Variants in UBR3 observed in about 807,000 individuals in gnomAD.
UBR3 encodes ubiquitin protein ligase E3 component n-recognin 3.
In UBR3, 85 loss-of-function variants were observed where a neutral mutation model predicts 243.2. The observed-to-expected ratio is 0.35, with a 90% CI of 0.29 to 0.42. The LOEUF (loss-of-function observed/expected upper bound fraction) is 0.42, where lower values mean the gene tolerates loss of function less well. UBR3 is among the 10% of genes least tolerant of loss of function. The pLI is 1.00. For missense variants in UBR3, 1,686 were observed against 2,300.8 expected, an observed-to-expected ratio of 0.73 and a Z score of 5.47; for synonymous variants, 748 against 799.8, an observed-to-expected ratio of 0.94 and a Z score of 1.09.
At chr2:170,052,788 T>C (rs1174017951) in intron 32 of UBR3, among the ~76,000 whole-genome samples, 1 of 152,194 alleles carries the variant, frequency 6.6e-6, no homozygotes, top group Non-Finnish European at 1.5e-5. Context: ...ATAGCTGTAA[T>C]ATTCTCTTGT....
intron 24 of UBR3, among the ~76,000 whole-genome samples, chr2:169,969,548 C>CTTT (rs199918460): frequency 2.8e-4 from 38 of 134,184 alleles, no homozygotes; most frequent in African/African-American, 8.1e-4. Context: ...CCATTTGTGT[C>CTTT]TTTTTTTTTT....
chr2:169,897,042 T>G (rs2084617511), intron 8 of UBR3, among the ~76,000 whole-genome samples: 1 of 152,148 alleles, frequency 6.6e-6, no homozygotes. Context: ...ATATTTCTTT[T>G]CTTTTTGTGT....
chr2:169,881,336 C>T (rs570384073), intron 5 of UBR3, among the ~76,000 whole-genome samples: 3 of 151,986 alleles, frequency 2.0e-5, no homozygotes, highest in South Asian at 2.1e-4. Flanking sequence ...TGCACTACCA[C>T]GCCTGGCTAG....
chr2:169,847,946 G>T (rs185002679), intron 1 of UBR3, among the ~76,000 whole-genome samples: 1 of 150,324 alleles, frequency 6.7e-6, no homozygotes, highest in South Asian at 2.1e-4. Context: ...TTATTTCTCT[G>T]TGGAATTCTT....
chr2:169,845,494 CG>C (rs2082436156), intron 1 of UBR3, among the ~76,000 whole-genome samples: 16 of 31,586 alleles, frequency 5.1e-4, no homozygotes, highest in Admixed American at 1.3e-3. Context: ...TTTCCCTCTT[CG>C]TCGTCATCGT....
Position 170,007,103 on chromosome 2 carries a change from T to C in UBR3, c.4143T>C (p.Asn1381=). The change falls in exon 28 of 39, where the codon AAT becomes AAC. Residue 1381 remains asparagine, a synonymous_variant. Coordinates refer to ENST00000272793, the MANE Select transcript of UBR3 (RefSeq NM_172070.4). ...GTTATCCTGGAAGCAATGTGGAAAA[T>C]AACCCTTGGCAACGTCCTAGCAACA... ...LPCYPGSNVE[N]NPWQRPSNKS... is the part of the protein sequence containing the mutation. 6.2e-7 allele frequency: 1 copy of C among 1,613,778 alleles called. No homozygotes were observed. Among genetic ancestry groups the C allele is most frequent in the Non-Finnish European group, 8.5e-7 (1 of 1,179,948 alleles).
Position 170,068,547 on chromosome 2 carries a change from G to A in UBR3, c.5020-4881G>A, listed in dbSNP as rs979034634. ...ATCATTATCTAAGTTTCTACCATAT[G>A]AAGCTAGAAATAGAGCAAATTAGAC... On this transcript the variant is annotated intron_variant, in intron 35 of 38. Coordinates refer to ENST00000272793, the MANE Select transcript of UBR3 (RefSeq NM_172070.4). Among the ~76,000 whole-genome samples the A allele has an allele frequency of 2.6e-5, 4 of 152,136 alleles. No individual in the cohort carries two copies. In the South Asian group the frequency reaches 8.3e-4, roughly 31 times the overall value.
chr2:170,038,687 C>T (rs140552458), intron 31 of UBR3, among the ~76,000 whole-genome samples: 13 of 152,028 alleles, frequency 8.6e-5, no homozygotes, highest in Non-Finnish European at 1.8e-4. Flanking sequence ...CTTATTTATT[C>T]ATTATGCTTT....
chr2:169,872,430 G>A, intron 2 of UBR3, 55 bp downstream of exon 2: 1 of 1,280,166 alleles, frequency 7.8e-7, no homozygotes, highest in Non-Finnish European at 1.1e-6. Flanking sequence ...AATTTACAAA[G>A]TTTTAGTATT....
intron 10 of UBR3, among the ~76,000 whole-genome samples, chr2:169,911,449 T>G (rs1021785497): frequency 3.3e-5 from 5 of 152,120 alleles, no homozygotes; most frequent in African/African-American, 1.2e-4. Flanking sequence ...TTATGCTTAT[T>G]TTTACATGTG....
chr2:170,081,816 A>G lies in UBR3; in HGVS notation c.5640A>G (p.Arg1880=), dbSNP rs2091912811. 5 of 1,606,548 alleles carry G rather than the reference A, an allele frequency of 3.1e-6. No homozygotes were observed. Among genetic ancestry groups the G allele is most frequent in the Non-Finnish European group, 4.3e-6 (5 of 1,175,874 alleles). Residue 1880 remains arginine (R), a synonymous_variant, in exon 39 of 39, where the codon AGA becomes AGG. Coordinates refer to ENST00000272793, the MANE Select transcript of UBR3 (RefSeq NM_172070.4). ...ATACTTTTGATCACATCAATAAAAG[A>G]TGGGGTCCACATTACAATGGGCTGT... The part of the protein sequence containing the change: ...ISHTFDHINK[R]WGPHYNGL
chr2:169,968,751 C>T (rs2103382), intron 24 of UBR3, among the ~76,000 whole-genome samples: 122,771 of 152,090 alleles, frequency 0.81, 49,978 homozygotes, highest in Middle Eastern at 0.89. Context: ...TTTTACTTTT[C>T]TGAGGAACCT....
At chr2:170,006,898 TG>T in intron 27 of UBR3, 91 bp from the exon 28 acceptor site, 1 of 1,057,568 alleles carries the variant, frequency 9.5e-7, no homozygotes. Context: ...CTTTTTTCTA[TG>T]GTTTATTAAT....
At chr2:170,028,015 G>A (rs534701338) in intron 30 of UBR3, among the ~76,000 whole-genome samples, 15 of 151,988 alleles carry the variant, frequency 9.9e-5, no homozygotes, top group Middle Eastern at 3.4e-3. Flanking sequence ...TGCCTGGCAC[G>A]TAATAAGTAA....
At chr2:170,028,983 G>A (rs1223501423) in intron 30 of UBR3, among the ~76,000 whole-genome samples, 1 of 151,886 alleles carries the variant, frequency 6.6e-6, no homozygotes, top group Non-Finnish European at 1.5e-5. Context: ...ATTACCCAGG[G>A]TAGAGGATTG....
chr2:169,904,060 G>C (rs2084925650), intron 8 of UBR3, among the ~76,000 whole-genome samples: 1 of 152,072 alleles, frequency 6.6e-6, no homozygotes, highest in African/African-American at 2.4e-5. Context: ...AATAGAGTTA[G>C]AATATAAAGC....
intron 17 of UBR3, among the ~76,000 whole-genome samples, chr2:169,928,454 A>G (rs1046769162): frequency 6.6e-6 from 1 of 152,170 alleles, no homozygotes; most frequent in Admixed American, 6.5e-5. Context: ...GTTTTCTGAA[A>G]TTTGATAAAT....
intron 35 of UBR3, among the ~76,000 whole-genome samples, chr2:170,072,940 C>T (rs897332278): frequency 6.6e-6 from 1 of 152,120 alleles, no homozygotes; most frequent in African/African-American, 2.4e-5. Context: ...TACCTGGCTC[C>T]TAACAATTCC....
intron 20 of UBR3, among the ~76,000 whole-genome samples, chr2:169,945,285 C>G (rs2105358505): frequency 6.6e-6 from 1 of 152,078 alleles, no homozygotes; most frequent in South Asian, 2.1e-4. Flanking sequence ...GTTTAAAAAT[C>G]TGTTTTTTAA....
Sources: gnomAD v4.1 joint callset for allele counts (sites outside exome capture counted in the v4.1 genomes callset) on GRCh38, gnomAD v4.1.1 for gene constraint, MANE v1.5 for transcripts, NCBI Gene and HGNC (gene_info 2026-07-23, HGNC 2026-07-21) for gene names.